Variants in FRMPD4 observed in about 807,000 individuals in gnomAD.
FRMPD4 encodes FERM and PDZ domain-containing protein 4.
Under a neutral mutation model 94.1 loss-of-function variants are expected in FRMPD4, and 22 were observed. The observed-to-expected ratio is 0.23, with a 90% confidence interval of 0.17 to 0.33. The LOEUF is 0.33. Among genes scored for constraint, FRMPD4 ranks in the 10% least tolerant of loss-of-function variants. The pLI is 1.00. For synonymous variants in FRMPD4, 631 were observed against 548.6 expected, an observed-to-expected ratio of 1.15 and a Z score of -2.10; for missense variants, 1,111 against 1,339.9, an observed-to-expected ratio of 0.83 and a Z score of 2.67.
At chrX:11,934,686 T>A (rs1263298599) in intron 3 of FRMPD4, among the ~76,000 whole-genome samples, 1 of 112,016 alleles carries the variant, frequency 8.9e-6, no homozygotes, top group Non-Finnish European at 1.9e-5. Context: ...ATGTGTTCCT[T>A]TGAGATTATA....
intron 4 of FRMPD4, among the ~76,000 whole-genome samples, chrX:12,632,456 A>G (rs921401922): frequency 1.8e-5 from 2 of 112,352 alleles, no homozygotes; most frequent in Non-Finnish European, 3.8e-5. Context: ...ATTGAGAACC[A>G]TCAGAGATGA....
intron 1 of FRMPD4, among the ~76,000 whole-genome samples, chrX:12,145,973 C>G (rs941692980): frequency 5.4e-5 from 6 of 112,010 alleles, no homozygotes; most frequent in Non-Finnish European, 1.1e-4. Context: ...ATTGGATCCT[C>G]CCTGTCCCCT....
chrX:12,437,528 CCGT>C (rs1175202924), intron 1 of FRMPD4, among the ~76,000 whole-genome samples: 1 of 110,870 alleles, frequency 9.0e-6, no homozygotes, highest in Non-Finnish European at 1.9e-5. Context: ...CAGTGGCAAA[CCGT>C]CTGAGTTCTA....
intron 1 of FRMPD4, among the ~76,000 whole-genome samples, chrX:12,345,372 A>C (rs775001502): frequency 1.4e-4 from 16 of 111,588 alleles, no homozygotes; most frequent in Non-Finnish European, 2.6e-4. Context: ...TTTCAGATCT[A>C]TTTTAGCATC....
chrX:12,329,230 T>C (rs1161206052), intron 1 of FRMPD4, among the ~76,000 whole-genome samples: 2 of 111,816 alleles, frequency 1.8e-5, no homozygotes, highest in African/African-American at 6.5e-5. Flanking sequence ...GGCAGAACCC[T>C]CTCTGGAATG....
chrX:12,347,581 C>T (rs1240057871), intron 1 of FRMPD4, among the ~76,000 whole-genome samples: 1 of 111,362 alleles, frequency 9.0e-6, no homozygotes, highest in African/African-American at 3.3e-5. Flanking sequence ...AAAATTCACC[C>T]CAGAATTAGT....
chrX:12,494,675 C>T (rs1016741302), intron 1 of FRMPD4, among the ~76,000 whole-genome samples: 4 of 111,722 alleles, frequency 3.6e-5, no homozygotes, highest in Admixed American at 9.5e-5. Flanking sequence ...GAGGCATGAA[C>T]GCAGGAGGAA....
chrX:12,169,401 A>G (rs1366488187), intron 1 of FRMPD4, among the ~76,000 whole-genome samples: 3 of 112,378 alleles, frequency 2.7e-5, no homozygotes, highest in East Asian at 2.8e-4. Flanking sequence ...ATTGCAAGAC[A>G]TCTAAATGCA....
At chrX:12,048,316 G>C (rs1003557328) in intron 3 of FRMPD4, among the ~76,000 whole-genome samples, 1 of 111,953 alleles carries the variant, frequency 8.9e-6, no homozygotes, top group Non-Finnish European at 1.9e-5. Flanking sequence ...AGAAGTGTCT[G>C]TCATGTCTTT....
At chrX:11,853,602 C>G (rs751313530) in intron 1 of FRMPD4, among the ~76,000 whole-genome samples, 1 of 111,742 alleles carries the variant, frequency 8.9e-6, no homozygotes, top group Non-Finnish European at 1.9e-5. Flanking sequence ...ATGAACACCT[C>G]TATGCACATA....
intron 8 of FRMPD4, among the ~76,000 whole-genome samples, chrX:12,691,687 C>A (rs1440587277): frequency 9.1e-6 from 1 of 110,274 alleles, no homozygotes; most frequent in African/African-American, 3.3e-5. Context: ...TCTGGAAATA[C>A]CCACAGAGGA....
intron 3 of FRMPD4, among the ~76,000 whole-genome samples, chrX:11,949,088 C>T (rs2054206373): frequency 8.9e-6 from 1 of 112,045 alleles, no homozygotes; most frequent in Admixed American, 9.5e-5. Context: ...ATTAGTGGCT[C>T]TGAAGGGCAC....
At chrX:11,888,719 CAA>C (rs766368592) in intron 3 of FRMPD4, among the ~76,000 whole-genome samples, 1 of 111,801 alleles carries the variant, frequency 8.9e-6, no homozygotes, top group Non-Finnish European at 1.9e-5. Context: ...CCAGTATATA[CAA>C]AAGTTATGTT....
At chrX:12,702,316 C>A (rs138804781) in intron 10 of FRMPD4, among the ~76,000 whole-genome samples, 277 of 112,365 alleles carry the variant, frequency 2.5e-3, no homozygotes, top group African/African-American at 8.3e-3. Context: ...TTGTTTAATT[C>A]TCACAACACC....
In FRMPD4 at chrX:11,827,792, C is replaced by T. The variant is rs191623275; in HGVS notation, c.-161+5077C>T. Among the ~76,000 whole-genome samples the T allele has an allele frequency of 7.2e-5, 8 of 111,814 alleles. No individual in the cohort carries two copies. The East Asian group carries it at 8.5e-4, about 12-fold the overall frequency. On this transcript the variant is annotated intron_variant, in intron 1 of 18. Coordinates refer to the FRMPD4 transcript ENST00000640291. ...AAAAGAGCTACAGATGCATGGACAG[C>T]GTATCAACAATGTATCAATCAAATT...
chrX:12,191,143 G>T (rs1381699885), intron 1 of FRMPD4, among the ~76,000 whole-genome samples: 1 of 112,134 alleles, frequency 8.9e-6, no homozygotes, highest in Non-Finnish European at 1.9e-5. Context: ...CTTATGGAAA[G>T]ATGCTCTTAG....
At position 12,664,703 on chromosome X, in the gene FRMPD4, C is replaced by T. The variant is rs147214803; in HGVS notation, c.423-10160C>T. Among the ~76,000 whole-genome samples the T allele has an allele frequency of 4.8e-4, 54 of 111,597 alleles. No homozygotes were observed. In the East Asian group the frequency reaches 0.011, roughly 22 times the overall value. ...TCTCTTCCAGGTTTTGGTATCAGGA[C>T]GATGCTGGCCTCATAAAATGAGTCA... is the stretch of plus-strand genomic sequence containing the variant. On this transcript the variant is annotated intron_variant, in intron 4 of 16. Transcript: ENST00000675598.
intron 3 of FRMPD4, among the ~76,000 whole-genome samples, chrX:11,899,595 A>G (rs560019043): frequency 8.9e-6 from 1 of 111,776 alleles, no homozygotes; most frequent in East Asian, 2.8e-4. Flanking sequence ...TTTTATAAGG[A>G]GTTTTGAATA....
At chrX:12,060,423 G>A (rs2054879110) in intron 3 of FRMPD4, among the ~76,000 whole-genome samples, 1 of 106,685 alleles carries the variant, frequency 9.4e-6, no homozygotes, top group African/African-American at 3.4e-5. Flanking sequence ...TTTTTTTGAG[G>A]TGTGTGTTCA....
Sources: allele counts gnomAD v4.1 joint callset (sites outside exome capture counted in the v4.1 genomes callset), GRCh38; gene constraint gnomAD v4.1.1; transcripts MANE v1.5; gene names NCBI Gene and HGNC (gene_info 2026-07-23, HGNC 2026-07-21).